STAG1: variants seen among roughly 807,000 people sequenced by gnomAD.
STAG1 encodes STAG1 cohesin complex component.
A neutral mutation model predicts 170.9 loss-of-function variants in STAG1; 26 were observed. The ratio of observed to expected loss-of-function variants is 0.15; its 90% CI spans 0.11 to 0.21. The LOEUF (loss-of-function observed/expected upper bound fraction) is 0.21. Among genes scored for constraint, STAG1 ranks in the 10% least tolerant of loss-of-function variants. The pLI is 1.00. For missense variants in STAG1, 964 were observed against 1,509.5 expected (o/e 0.64, Z 5.99); for synonymous variants, 514 against 497.7 (o/e 1.03, Z -0.44).
chr3:136,398,896 G>C, intron 21 of STAG1, 67 bp from the exon 22 acceptor site: 6 of 894,262 alleles, frequency 6.7e-6, no homozygotes, highest in Non-Finnish European at 9.6e-6. Flanking sequence ...TGTTTGCACC[G>C]TGCTAAGATA....
chr3:136,533,378 T>A lies in STAG1; in HGVS notation c.471+8741A>T, dbSNP rs558387477. 1.1e-4 allele frequency among the ~76,000 whole-genome samples: 16 copies of A among 152,272 alleles called. No individual in the cohort carries two copies. In the East Asian group the frequency reaches 1.5e-3, roughly 15 times the overall value. ...TAAAATGACTGTGTCGCCTTTTTTT[T>A]ATTTTTATTTTTTGCATTACTATAA... On this transcript the variant is annotated intron_variant, in intron 6 of 33. Coordinates refer to ENST00000383202, the MANE Select transcript of STAG1 (RefSeq NM_005862.3).
chr3:136,465,691 G>T (rs1292423912), intron 12 of STAG1, among the ~76,000 whole-genome samples: 1 of 150,278 alleles, frequency 6.7e-6, no homozygotes, highest in East Asian at 2.0e-4. Context: ...CTAGGACTCA[G>T]AATAAGAGCT....
chr3:136,693,119 T>TGTCCC (rs1942779533), intron 1 of STAG1, among the ~76,000 whole-genome samples: 3 of 152,236 alleles, frequency 2.0e-5, no homozygotes, highest in Admixed American at 1.3e-4. Context: ...TTTTTTGTTT[T>TGTCCC]AAGTCTTGTC....
intron 6 of STAG1, among the ~76,000 whole-genome samples, chr3:136,528,832 A>C (rs1403650222): frequency 6.6e-6 from 1 of 151,964 alleles, no homozygotes; most frequent in Non-Finnish European, 1.5e-5. Flanking sequence ...TGGGAGGCTG[A>C]AGTGGGAGAA....
intron 9 of STAG1, among the ~76,000 whole-genome samples, chr3:136,477,788 CT>C (rs1302927659): frequency 6.6e-6 from 1 of 152,050 alleles, no homozygotes; most frequent in Non-Finnish European, 1.5e-5. Flanking sequence ...AACTGTTAAT[CT>C]TTTTTTAAAA....
At chr3:136,544,583 C>T (rs779421064) in intron 5 of STAG1, among the ~76,000 whole-genome samples, 5 of 151,682 alleles carry the variant, frequency 3.3e-5, no homozygotes, top group South Asian at 2.1e-4. Flanking sequence ...GGCAACACGG[C>T]GAGACATCAT....
At chr3:136,657,843 G>A (rs1057483146) in intron 1 of STAG1, among the ~76,000 whole-genome samples, 2 of 152,032 alleles carry the variant, frequency 1.3e-5, no homozygotes, top group Non-Finnish European at 1.5e-5. Flanking sequence ...AAACAAAAAA[G>A]GCTGAAAAGG....
chr3:136,605,197 T>C (rs1014372041), intron 3 of STAG1, among the ~76,000 whole-genome samples: 3 of 152,214 alleles, frequency 2.0e-5, no homozygotes, highest in Non-Finnish European at 4.4e-5. Flanking sequence ...TTTCAGGTAC[T>C]GGCAATACAG....
At chr3:136,385,037 T>TA (rs1415088970) in intron 22 of STAG1, among the ~76,000 whole-genome samples, 2 of 152,226 alleles carry the variant, frequency 1.3e-5, no homozygotes, top group African/African-American at 4.8e-5. Context: ...TATGCTACTT[T>TA]ATCTACTTCT....
At chr3:136,435,280 A>G (rs1376505853) in intron 15 of STAG1, among the ~76,000 whole-genome samples, 1 of 152,214 alleles carries the variant, frequency 6.6e-6, no homozygotes, top group Non-Finnish European at 1.5e-5. Flanking sequence ...TTTATCCACA[A>G]AACATTTCTA....
chr3:136,433,547 G>A lies in STAG1; in HGVS notation c.1650+9C>T. ...ACCTTTTAGGAGATTTCTCACTAAT[G>A]TAACTTACTCTCTTGCCGGTACCCC... On this transcript the variant is annotated intron_variant, in intron 16 of 33. Coordinates refer to ENST00000383202, the MANE Select transcript of STAG1 (RefSeq NM_005862.3). 6.3e-7 allele frequency: 1 copy of A among 1,592,072 alleles called. No homozygotes were observed. Among genetic ancestry groups the A allele is most frequent in the Non-Finnish European group, 8.6e-7 (1 of 1,169,270 alleles).
At chr3:136,674,160 A>AGAGC (rs1559943447) in intron 1 of STAG1, among the ~76,000 whole-genome samples, 1 of 11,656 alleles carries the variant, frequency 8.6e-5, no homozygotes, top group Non-Finnish European at 1.3e-4. Flanking sequence ...GGAGAGAGGG[A>AGAGC]GGGAGGGAGG....
intron 1 of STAG1, among the ~76,000 whole-genome samples, chr3:136,656,901 G>A (rs1269744706): frequency 1.3e-5 from 2 of 151,612 alleles, no homozygotes; most frequent in East Asian, 3.9e-4. Flanking sequence ...ATAATCTTTA[G>A]TTCAGCAATT....
intron 6 of STAG1, among the ~76,000 whole-genome samples, chr3:136,522,487 G>C (rs1934730074): frequency 6.6e-6 from 1 of 152,118 alleles, no homozygotes; most frequent in Non-Finnish European, 1.5e-5. Context: ...CAGCCTACCT[G>C]CTGCTTCTAT....
intron 9 of STAG1, among the ~76,000 whole-genome samples, chr3:136,493,579 C>T (rs559014918): frequency 2.0e-5 from 3 of 149,400 alleles, no homozygotes; most frequent in Non-Finnish European, 4.4e-5. Flanking sequence ...TGCTTGAGCC[C>T]GTGAAGTCAA....
At chr3:136,576,092 A>G (rs1937446858) in intron 4 of STAG1, among the ~76,000 whole-genome samples, 1 of 152,200 alleles carries the variant, frequency 6.6e-6, no homozygotes, top group Admixed American at 6.5e-5. Context: ...ACCCCACGAA[A>G]CAATTTTAAT....
At chr3:136,511,845 C>T (rs567722922) in intron 7 of STAG1, among the ~76,000 whole-genome samples, 1 of 152,040 alleles carries the variant, frequency 6.6e-6, no homozygotes, top group East Asian at 1.9e-4. Flanking sequence ...TCAGAAAATA[C>T]ATGTAACCCC....
intron 5 of STAG1, among the ~76,000 whole-genome samples, chr3:136,563,367 T>C (rs750732694): frequency 1.3e-5 from 2 of 152,166 alleles, no homozygotes; most frequent in Non-Finnish European, 2.9e-5. Context: ...TTTTAGGATA[T>C]TCTCCCTCCA....
chr3:136,751,275 A>C (rs1305827929), intron 1 of STAG1, among the ~76,000 whole-genome samples: 1 of 151,554 alleles, frequency 6.6e-6, no homozygotes, highest in African/African-American at 2.4e-5. Flanking sequence ...ATCGACAGAT[A>C]ACATTTCAAA....
Sources: allele counts gnomAD v4.1 joint callset (sites outside exome capture counted in the v4.1 genomes callset), GRCh38; gene constraint gnomAD v4.1.1; transcripts MANE v1.5; gene names NCBI Gene and HGNC (gene_info 2026-07-23, HGNC 2026-07-21).